The following SLC18A2 variants were observed in gnomAD, a reference collection of about 807,000 sequenced individuals.
SLC18A2 encodes solute carrier family 18 member A2, also known as synaptic vesicular amine transporter.
SLC18A2 carries 33 observed loss-of-function variants against 59.2 expected under a neutral mutation model. That is an observed-to-expected ratio of 0.56 (90% confidence interval 0.42 to 0.75). The LOEUF (loss-of-function observed/expected upper bound fraction) is 0.75. Among genes scored for constraint, SLC18A2 ranks in the 30% least tolerant of loss-of-function variants. SLC18A2 has a pLI of 0.00. For synonymous variants in SLC18A2, 228 were observed against 253.5 expected (o/e 0.90, Z 0.95); for missense variants, 569 against 668.6 (o/e 0.85, Z 1.64).
intron 1 of SLC18A2, 130 bp from the exon 2 acceptor site, chr10:117,241,549 C>A: frequency 9.7e-7 from 1 of 1,033,130 alleles, no homozygotes; most frequent in Non-Finnish European, 1.3e-6. Context: ...TGAGCCGAGG[C>A]TGGGGCGCCC....
chr10:117,253,994 A>T, intron 4 of SLC18A2, 54 bp from the exon 5 acceptor site: 1 of 1,542,326 alleles, frequency 6.5e-7, no homozygotes, highest in South Asian at 1.1e-5. Flanking sequence ...CCTGTTTGGG[A>T]CGGTTGTGTC....
At chr10:117,254,008 G>C in intron 4 of SLC18A2, 40 bp from the exon 5 acceptor site, 1 of 1,590,394 alleles carries the variant, frequency 6.3e-7, no homozygotes, top group Non-Finnish European at 8.6e-7. Flanking sequence ...TTGTGTCCCA[G>C]CAGCACTGAT....
chr10:117,275,939 A>G (rs755750603), intron 15 of SLC18A2, among the ~76,000 whole-genome samples: 1 of 152,146 alleles, frequency 6.6e-6, no homozygotes, highest in Non-Finnish European at 1.5e-5. Flanking sequence ...GTGAAAAAAT[A>G]ATAGCTCTAG....
chr10:117,254,679 G>T (rs564279507), intron 6 of SLC18A2, among the ~76,000 whole-genome samples, 182 bp downstream of exon 6: 34 of 152,270 alleles, frequency 2.2e-4, no homozygotes, highest in Admixed American at 1.3e-4. Flanking sequence ...TGAGCTGGGG[G>T]TGGAGGGGAT....
intron 3 of SLC18A2, among the ~76,000 whole-genome samples, chr10:117,247,704 C>T (rs372475881): frequency 2.0e-5 from 3 of 152,130 alleles, no homozygotes; most frequent in Non-Finnish European, 4.4e-5. Context: ...CTCCCTGGTC[C>T]CTGAAATATT....
intron 10 of SLC18A2, among the ~76,000 whole-genome samples, chr10:117,263,091 T>C (rs1037391045): frequency 6.6e-6 from 1 of 152,164 alleles, no homozygotes; most frequent in Admixed American, 6.5e-5. Context: ...CCACCGAGGT[T>C]CCTCCTTTCA....
Position 117,267,019 on chromosome 10 carries a change from G to GA in SLC18A2, c.1107dup (p.Val370SerfsTer91), listed in dbSNP as rs754623209. 21 of 1,613,358 alleles carry GA rather than the reference G, an allele frequency of 1.3e-5. No individual in the cohort carries two copies. The highest frequency in any genetic ancestry group is 5.9e-6 in the Non-Finnish European group (7 of 1,179,776). On this transcript the variant is annotated frameshift_variant, in exon 12 of 16. Coordinates refer to ENST00000644641, the MANE Select transcript of SLC18A2 (RefSeq NM_003054.6). LOFTEE classifies it high-confidence loss of function. The stretch of plus-strand genomic sequence containing the variant: ...GCTCTTCTGGGAATGATAATTGTTG[G>GA]AGTCAGCATTTTATGTGTGAGTAAA...
Position 117,265,825 on chromosome 10 carries a change from C to G in SLC18A2, c.992-908C>G, listed in dbSNP as rs191638674. Among the ~76,000 whole-genome samples the G allele has an allele frequency of 3.3e-5, 5 of 152,314 alleles. No homozygotes were observed. In the East Asian group the frequency reaches 9.7e-4, roughly 29 times the overall value. ...GGATAGGAGGCCGGACGTGGTGGCTCACGCCTGTAATCCCAGCACTTTGGG... is the reference window on the plus strand; with the variant it reads ...GGATAGGAGGCCGGACGTGGTGGCTGACGCCTGTAATCCCAGCACTTTGGG... On this transcript the variant is annotated intron_variant, in intron 10 of 15. Transcript: ENST00000644641.
In SLC18A2 at chr10:117,269,162, T is replaced by TACACACAC. The variant is rs140277762; in HGVS notation, c.1187-902_1187-901insCACACACA. The stretch of plus-strand genomic sequence containing the variant: ...ACCCACCCACATACATATGCACACA[T>TACACACAC]ACACACATACATATACACACATACA... On this transcript the variant is annotated intron_variant, in intron 13 of 15. Coordinates refer to ENST00000644641, the MANE Select transcript of SLC18A2 (RefSeq NM_003054.6). This position sits in a 1 kb window ranked among gnomAD's most constrained non-coding sequence, Gnocchi z 5.1. Among the ~76,000 whole-genome samples, 2 of 150,824 alleles carry TACACACAC rather than the reference T, an allele frequency of 1.3e-5. No homozygotes were observed. Among genetic ancestry groups the TACACACAC allele is most frequent in the Non-Finnish European group, 3.0e-5 (2 of 67,712 alleles).
intron 9 of SLC18A2, among the ~76,000 whole-genome samples, chr10:117,256,297 G>A (rs11197935): frequency 2.0e-5 from 3 of 152,344 alleles, no homozygotes; most frequent in Middle Eastern, 3.4e-3. Context: ...CCCAGTGGTA[G>A]GAGGCTGCCT....
At chr10:117,259,415 C>A (rs1482383236) in intron 10 of SLC18A2, among the ~76,000 whole-genome samples, 1 of 152,184 alleles carries the variant, frequency 6.6e-6, no homozygotes, top group Non-Finnish European at 1.5e-5. Flanking sequence ...CCTTCCCCAT[C>A]ACCCCAGCAT....
chr10:117,265,290 C>T (rs528288030), intron 10 of SLC18A2, among the ~76,000 whole-genome samples: 2 of 152,236 alleles, frequency 1.3e-5, no homozygotes, highest in Non-Finnish European at 2.9e-5. Context: ...TGATGGTAGA[C>T]GTTCGTGCTT....
intron 15 of SLC18A2, among the ~76,000 whole-genome samples, chr10:117,271,785 C>T (rs1355318013): frequency 6.6e-6 from 1 of 152,176 alleles, no homozygotes; most frequent in East Asian, 1.9e-4. Flanking sequence ...GCTTGGCTGA[C>T]CCTAGCATAA....
chr10:117,270,255 AT>A, intron 14 of SLC18A2, 65 bp downstream of exon 14: 11 of 1,613,094 alleles, frequency 6.8e-6, no homozygotes, highest in Non-Finnish European at 9.3e-6. Context: ...GTCTACTAAA[AT>A]TGTTTAAATC....
At chr10:117,260,908 T>C (rs1022943395) in intron 10 of SLC18A2, among the ~76,000 whole-genome samples, 4 of 152,294 alleles carry the variant, frequency 2.6e-5, no homozygotes, top group East Asian at 1.9e-4. Flanking sequence ...TAGGAGAGTG[T>C]CCTTGTACGT....
rs1232320075 is a variant in SLC18A2 at position 117,241,722 on chromosome 10, G to A, written c.29G>A (p.Arg10His). 5 of 1,604,530 alleles carry A rather than the reference G, an allele frequency of 3.1e-6. No homozygotes were observed. The highest frequency in any genetic ancestry group is 1.3e-5 in the African/African-American group (1 of 74,512). ...GCCCTGAGCGAGCTGGCGCTGGTCCGCTGGCTGCAGGAGAGCCGCCGCTCG... is the reference window on the plus strand; with the variant it reads ...GCCCTGAGCGAGCTGGCGCTGGTCCACTGGCTGCAGGAGAGCCGCCGCTCG... MALSELALV[R>H]WLQESRRSRK... The change falls in exon 2 of 16, where the codon CGC (arginine) becomes CAC (histidine). Residue 10 changes from arginine (R) to histidine (H), a missense_variant. Arg to His is a conservative substitution (Grantham distance 29). Transcript: ENST00000644641.
rs1844400891 is a variant in SLC18A2, at chr10:117,269,629, C to A, written c.1187-442C>A. Among the ~76,000 whole-genome samples, 1 of 152,120 alleles carries A rather than the reference C, an allele frequency of 6.6e-6. No individual in the cohort carries two copies. ...GATGCTCATGATTGGCTGCTGTGAG[C>A]CAGTGTCTGTGAACACACTGGCAGG... On this transcript the variant is annotated intron_variant, in intron 13 of 15. Coordinates refer to ENST00000644641, the MANE Select transcript of SLC18A2 (RefSeq NM_003054.6). This position sits in a 1 kb window ranked among gnomAD's most constrained non-coding sequence, Gnocchi z 5.1.
rs1170929877 is a variant in SLC18A2 at position 117,269,984 on chromosome 10, G to A, written c.1187-87G>A. On this transcript the variant is annotated intron_variant, in intron 13 of 15. Transcript: ENST00000644641. The surrounding 1 kb of genome is among the most constrained non-coding windows in gnomAD (Gnocchi z 5.1). ...ACAGAAGGGGAAGAGCTGGCAGGGT[G>A]GTGAGTTTAAGACACACTCCCTGAT... is the stretch of plus-strand genomic sequence containing the variant. The A allele has an allele frequency of 6.7e-7, 1 of 1,502,384 alleles. No individual in the cohort carries two copies. The highest frequency in any genetic ancestry group is 1.4e-5 in the African/African-American group (1 of 72,612). The allele number at this position is 1,502,384 out of a possible 1,614,324, so 93.1% of individuals were successfully genotyped here.
At chr10:117,276,727 C>A (rs1844500459) in intron 15 of SLC18A2, among the ~76,000 whole-genome samples, 1 of 151,672 alleles carries the variant, frequency 6.6e-6, no homozygotes, top group South Asian at 2.1e-4. Context: ...ACATTTCTCA[C>A]ATGTGAGGGC....
Sources: gnomAD v4.1 joint callset for allele counts (sites outside exome capture counted in the v4.1 genomes callset) on GRCh38, gnomAD v4.1.1 for gene constraint, Gnocchi (gnomAD v3.1) non-coding constraint, MANE v1.5 for transcripts, NCBI Gene and HGNC (gene_info 2026-07-23, HGNC 2026-07-21) for gene names.